CTNNA2: variants seen among roughly 807,000 people sequenced by gnomAD.
CTNNA2 encodes the protein catenin alpha-2.
In CTNNA2, 42 loss-of-function variants were observed where a neutral mutation model predicts 101.0. That is an observed-to-expected ratio of 0.42 (90% CI 0.32 to 0.54). The LOEUF is 0.54. Ranked by LOEUF, CTNNA2 falls within the 20% of genes least tolerant of loss-of-function variation. The pLI, the probability that CTNNA2 is intolerant of heterozygous loss-of-function variation, is 0.14. For synonymous variants in CTNNA2, 450 were observed against 456.4 expected (o/e 0.99, Z 0.18); for missense variants, 871 against 1,223.1 (o/e 0.71, Z 4.29).
chr2:80,634,373 T>C (rs1672633617), intron 18 of CTNNA2, among the ~76,000 whole-genome samples: 1 of 151,914 alleles, frequency 6.6e-6, no homozygotes, highest in South Asian at 2.1e-4. Context: ...GTATCTCAGG[T>C]GGGGAAGAGT....
In CTNNA2 at chr2:80,470,521, C is replaced by T. The variant is rs570900426; in HGVS notation, c.1290+50920C>T. 3.3e-5 allele frequency among the ~76,000 whole-genome samples: 5 copies of T among 152,280 alleles called. No homozygotes were observed. In the East Asian group the frequency reaches 9.7e-4, roughly 29 times the overall value. ...CTGCGGAAAACAGCAGTGTCCCCTA[C>T]ACCCAGCTCTCCTCCTGGCCAGGGT... On this transcript the variant is annotated intron_variant, in intron 9 of 18. Transcript: ENST00000402739.
intron 7 of CTNNA2, among the ~76,000 whole-genome samples, chr2:80,121,973 T>C (rs1701859176): frequency 6.6e-6 from 1 of 152,124 alleles, no homozygotes; most frequent in Non-Finnish European, 1.5e-5. Context: ...AGGCTGTGGG[T>C]GTAACAGGGA....
chr2:79,205,039 T>C (rs562504215), intron 2 of CTNNA2, among the ~76,000 whole-genome samples: 2 of 152,346 alleles, frequency 1.3e-5, no homozygotes, highest in East Asian at 3.9e-4. Flanking sequence ...CTCTTGAATA[T>C]GGCATTGAAC....
At chr2:79,766,305 C>G (rs1466230823) in intron 3 of CTNNA2, among the ~76,000 whole-genome samples, 2 of 152,306 alleles carry the variant, frequency 1.3e-5, no homozygotes, top group East Asian at 3.9e-4. Flanking sequence ...ATATACTATT[C>G]TGAGGTAAAA....
At chr2:79,568,034 C>T (rs944080926) in intron 1 of CTNNA2, among the ~76,000 whole-genome samples, 2 of 152,074 alleles carry the variant, frequency 1.3e-5, no homozygotes, top group East Asian at 3.9e-4. Context: ...TCATGTAACA[C>T]TTATTACAGT....
intron 2 of CTNNA2, among the ~76,000 whole-genome samples, chr2:79,230,370 C>T (rs536560567): frequency 2.0e-5 from 3 of 152,270 alleles, no homozygotes; most frequent in East Asian, 1.9e-4. Context: ...CAGCTTGGGC[C>T]GTGGCTTCAG....
At chr2:80,296,998 C>T (rs1336936178) in intron 7 of CTNNA2, among the ~76,000 whole-genome samples, 2 of 152,212 alleles carry the variant, frequency 1.3e-5, no homozygotes, top group Non-Finnish European at 2.9e-5. Flanking sequence ...ACTTTACTCT[C>T]TCTGAGTCTA....
intron 12 of CTNNA2, among the ~76,000 whole-genome samples, chr2:80,559,882 A>ATCTATATC: frequency 7.1e-6 from 1 of 139,878 alleles, no homozygotes; most frequent in African/African-American, 2.9e-5. Flanking sequence ...TCATATTTAT[A>ATCTATATC]TATATATATA....
chr2:79,579,387 A>G (rs1340200778), intron 1 of CTNNA2, among the ~76,000 whole-genome samples: 3 of 151,876 alleles, frequency 2.0e-5, no homozygotes, highest in Non-Finnish European at 2.9e-5. Context: ...TCAAGGTTTT[A>G]TGAAGGATTT....
intron 7 of CTNNA2, among the ~76,000 whole-genome samples, chr2:80,353,066 C>T (rs1673459494): frequency 6.6e-6 from 1 of 152,058 alleles, no homozygotes; most frequent in Admixed American, 6.6e-5. Flanking sequence ...TATGTCTTCC[C>T]CAAGAAACCT....
At chr2:80,214,446 G>A (rs903265145) in intron 7 of CTNNA2, among the ~76,000 whole-genome samples, 1 of 152,104 alleles carries the variant, frequency 6.6e-6, no homozygotes, top group African/African-American at 2.4e-5. Context: ...TGTCTGTAAA[G>A]GATTTTATTT....
chr2:79,361,249 T>C (rs754059173), intron 3 of CTNNA2, among the ~76,000 whole-genome samples: 137 of 152,198 alleles, frequency 9.0e-4, no homozygotes, highest in Non-Finnish European at 1.3e-3. Flanking sequence ...CTAATGCATT[T>C]AGATGTTAAA....
At position 80,110,856 on chromosome 2, in the gene CTNNA2, G is replaced by T. The variant is rs532547516; in HGVS notation, c.1056+201059G>T. ...CTTTGGTTGAAACTCATTAGAGGAGGATTGTATTAGTCCATTTTCATGCTG... is the reference window on the plus strand; with the variant it reads ...CTTTGGTTGAAACTCATTAGAGGAGTATTGTATTAGTCCATTTTCATGCTG... On this transcript the variant is annotated intron_variant, in intron 7 of 18. Coordinates refer to ENST00000402739, the MANE Select transcript of CTNNA2 (RefSeq NM_001282597.3). Among the ~76,000 whole-genome samples, 179 of 152,260 alleles carry T rather than the reference G, an allele frequency of 1.2e-3. 2 individuals carry two copies. The highest frequency in any genetic ancestry group is 4.1e-3 in the African/African-American group (172 of 41,564).
At chr2:80,574,417 C>G in intron 13 of CTNNA2, 103 bp downstream of exon 13, 1 of 1,353,836 alleles carries the variant, frequency 7.4e-7, no homozygotes, top group African/African-American at 1.5e-5. Context: ...CTGAGTTTAA[C>G]TTGGTAAGCT....
intron 7 of CTNNA2, among the ~76,000 whole-genome samples, chr2:79,976,351 C>A (rs905033253): frequency 6.6e-6 from 1 of 152,096 alleles, no homozygotes; most frequent in South Asian, 2.1e-4. Context: ...GACACCATAC[C>A]CTGGAGTTGA....
At chr2:80,443,582 T>C (rs1329092017) in intron 9 of CTNNA2, among the ~76,000 whole-genome samples, 1 of 152,098 alleles carries the variant, frequency 6.6e-6, no homozygotes, top group African/African-American at 2.4e-5. Context: ...TAGTATAGTG[T>C]GTGGTTAAGT....
At chr2:80,264,202 CACA>C (rs1245329445) in intron 7 of CTNNA2, among the ~76,000 whole-genome samples, 1 of 152,006 alleles carries the variant, frequency 6.6e-6, no homozygotes, top group African/African-American at 2.4e-5. Context: ...TGCATGTTGC[CACA>C]ACGATTTATT....
chr2:79,809,881 T>C (rs1363866758), intron 3 of CTNNA2, among the ~76,000 whole-genome samples: 1 of 152,184 alleles, frequency 6.6e-6, no homozygotes, highest in Admixed American at 6.5e-5. Context: ...CTGAATGGTA[T>C]GGCCTAGGTT....
chr2:80,236,518 A>G (rs775656055), intron 7 of CTNNA2, among the ~76,000 whole-genome samples: 17 of 152,152 alleles, frequency 1.1e-4, no homozygotes, highest in South Asian at 4.2e-4. Flanking sequence ...AGTGCCTTGT[A>G]GTCCTCCCTA....
Sources: allele counts gnomAD v4.1 joint callset (sites outside exome capture counted in the v4.1 genomes callset), GRCh38; gene constraint gnomAD v4.1.1; transcripts MANE v1.5; gene names NCBI Gene and HGNC (gene_info 2026-07-23, HGNC 2026-07-21).